Variants in LRRC4C observed in about 807,000 individuals in gnomAD.
LRRC4C encodes the protein leucine rich repeat containing 4C, also known as leucine-rich repeat-containing protein 4C.
In LRRC4C, 5 loss-of-function variants were observed where a neutral mutation model predicts 33.6. The ratio of observed to expected loss-of-function variants is 0.15; its 90% CI spans 0.08 to 0.31. The LOEUF is 0.31. Among genes scored for constraint, LRRC4C ranks in the 10% least tolerant of loss-of-function variants. The pLI, the probability that LRRC4C is intolerant of heterozygous loss-of-function variation, is 1.00. For missense variants in LRRC4C, 560 were observed against 796.7 expected (o/e 0.70, Z 3.58); for synonymous variants, 329 against 302.0 (o/e 1.09, Z -0.93).
chr11:40,312,118 CA>C (rs1437276908), intron 4 of LRRC4C, among the ~76,000 whole-genome samples: 1 of 152,094 alleles, frequency 6.6e-6, no homozygotes. Context: ...AGTTCTAACT[CA>C]CCAACTCCCT....
intron 4 of LRRC4C, among the ~76,000 whole-genome samples, chr11:40,299,317 C>T (rs1461642162): frequency 6.6e-6 from 1 of 152,134 alleles, no homozygotes; most frequent in Non-Finnish European, 1.5e-5. Context: ...AGATGTGTGC[C>T]AAAGAGAGTG....
At chr11:41,105,720 T>C (rs1941455213) in intron 1 of LRRC4C, among the ~76,000 whole-genome samples, 1 of 151,964 alleles carries the variant, frequency 6.6e-6, no homozygotes. Flanking sequence ...CGATGTACAA[T>C]TGGAGAGATT....
chr11:40,594,707 G>A (rs1959191569), intron 3 of LRRC4C, among the ~76,000 whole-genome samples: 2 of 152,144 alleles, frequency 1.3e-5, no homozygotes, highest in African/African-American at 4.8e-5. Context: ...TCTAAATTGT[G>A]ACTGACATCT....
chr11:41,438,579 C>T (rs1007913582), intron 1 of LRRC4C, among the ~76,000 whole-genome samples: 2 of 151,958 alleles, frequency 1.3e-5, no homozygotes, highest in Non-Finnish European at 2.9e-5. Flanking sequence ...CCCTGGAGCC[C>T]CTCTCAGAAT....
intron 3 of LRRC4C, among the ~76,000 whole-genome samples, chr11:40,522,800 T>C (rs1955875562): frequency 6.6e-6 from 1 of 152,212 alleles, no homozygotes; most frequent in Middle Eastern, 3.2e-3. Flanking sequence ...AATAATGTAA[T>C]GATTTCCTTG....
intron 1 of LRRC4C, among the ~76,000 whole-genome samples, chr11:41,431,863 T>C (rs1245936836): frequency 2.0e-5 from 3 of 152,196 alleles, no homozygotes. Flanking sequence ...TAAATCTTTA[T>C]GGCCCACCTT....
intron 2 of LRRC4C, among the ~76,000 whole-genome samples, chr11:40,719,884 C>T (rs543844268): frequency 6.6e-6 from 1 of 152,074 alleles, no homozygotes; most frequent in Non-Finnish European, 1.5e-5. Flanking sequence ...ATTCAGATTA[C>T]AGTCTGAATC....
At chr11:40,284,440 C>T (rs74861732) in intron 4 of LRRC4C, among the ~76,000 whole-genome samples, 3,992 of 151,920 alleles carry the variant, frequency 0.026, 77 homozygotes, top group Middle Eastern at 0.065. Flanking sequence ...AATAGACTAT[C>T]TGAGGAAGAC....
At chr11:40,282,118 G>T (rs1461063680) in intron 4 of LRRC4C, among the ~76,000 whole-genome samples, 1 of 152,150 alleles carries the variant, frequency 6.6e-6, no homozygotes, top group Admixed American at 6.5e-5. Flanking sequence ...GGAGGCCGAG[G>T]CTGGTGGATC....
rs182643653 is a variant in LRRC4C at position 41,051,576 on chromosome 11, T to C, written c.-495-117853A>G. 5.4e-3 allele frequency among the ~76,000 whole-genome samples: 755 copies of C among 138,908 alleles called. 3 individuals are homozygous for C. Among genetic ancestry groups the C allele is most frequent in the Middle Eastern group, 0.016 (4 of 252 alleles). 91.1% of individuals were successfully genotyped at this position (138,908 alleles called of 152,430 possible). ...AAAGGAAAAATTAGTTATATTCTAA[T>C]GGCTTTTTCTGATTTTTAAAAATTT... On this transcript the variant is annotated intron_variant, in intron 1 of 6. Transcript: ENST00000528697.
intron 1 of LRRC4C, among the ~76,000 whole-genome samples, chr11:40,984,797 A>G (rs572036235): frequency 6.7e-6 from 1 of 150,160 alleles, no homozygotes; most frequent in Non-Finnish European, 1.5e-5. Context: ...CTACTCACTG[A>G]TCCTGAGGCA....
intron 3 of LRRC4C, among the ~76,000 whole-genome samples, chr11:40,429,740 A>G (rs1256461540): frequency 6.6e-6 from 1 of 152,198 alleles, no homozygotes; most frequent in African/African-American, 2.4e-5. Context: ...TTTAAAGATA[A>G]GAAAAAGTTT....
chr11:40,764,278 T>G (rs548597170), intron 2 of LRRC4C, among the ~76,000 whole-genome samples: 11 of 152,268 alleles, frequency 7.2e-5, no homozygotes, highest in African/African-American at 2.6e-4. Context: ...CATTTTCTGT[T>G]GACTAAGGAG....
chr11:40,890,029 C>T (rs1439918414), intron 2 of LRRC4C, among the ~76,000 whole-genome samples: 1 of 152,040 alleles, frequency 6.6e-6, no homozygotes, highest in African/African-American at 2.4e-5. Flanking sequence ...AGACCAGAAA[C>T]ACCTTTTAAT....
At chr11:40,253,101 T>C (rs866571165) in intron 4 of LRRC4C, among the ~76,000 whole-genome samples, 12 of 152,312 alleles carry the variant, frequency 7.9e-5, no homozygotes, top group Middle Eastern at 3.4e-3. Context: ...TAGCAATCCC[T>C]AAATATCTTT....
chr11:40,811,665 T>A (rs1336452441), intron 2 of LRRC4C, among the ~76,000 whole-genome samples: 1 of 152,058 alleles, frequency 6.6e-6, no homozygotes, highest in African/African-American at 2.4e-5. Flanking sequence ...GCCCAGCTAA[T>A]TTTTTATATT....
At chr11:40,992,703 T>C (rs1853670107) in intron 1 of LRRC4C, among the ~76,000 whole-genome samples, 1 of 152,174 alleles carries the variant, frequency 6.6e-6, no homozygotes, top group South Asian at 2.1e-4. Flanking sequence ...TTCCTCTTTT[T>C]CAAGACAGAC....
intron 3 of LRRC4C, among the ~76,000 whole-genome samples, chr11:40,587,629 T>G (rs1486005349): frequency 2.0e-5 from 3 of 150,806 alleles, no homozygotes; most frequent in East Asian, 1.9e-4. Flanking sequence ...AGATAGCTCT[T>G]ATTATTTTGA....
chr11:40,380,486 C>T (rs1948823504), intron 3 of LRRC4C, among the ~76,000 whole-genome samples: 1 of 152,104 alleles, frequency 6.6e-6, no homozygotes, highest in Admixed American at 6.5e-5. Context: ...AATGTCAATT[C>T]TTGTGTACTT....
Sources: gnomAD v4.1 joint callset for allele counts (sites outside exome capture counted in the v4.1 genomes callset) on GRCh38, gnomAD v4.1.1 for gene constraint, MANE v1.5 for transcripts, NCBI Gene and HGNC (gene_info 2026-07-23, HGNC 2026-07-21) for gene names.